Variants in COL26A1 observed in about 807,000 individuals in gnomAD.
The protein encoded by COL26A1 is collagen alpha-1(XXVI) chain.
In COL26A1, 41 loss-of-function variants were observed where a neutral mutation model predicts 59.3. The observed-to-expected ratio is 0.69, with a 90% CI of 0.54 to 0.90. The LOEUF is 0.90. Among genes scored for constraint, COL26A1 ranks in the 40% least tolerant of loss-of-function variants. COL26A1 has a pLI of 0.00. For missense variants in COL26A1, 612 were observed against 602.3 expected (o/e 1.02, Z -0.17); for synonymous variants, 266 against 256.0 (o/e 1.04, Z -0.37).
At position 101,549,237 on chromosome 7, in the gene COL26A1, C is replaced by T. The variant is rs1373760226; in HGVS notation, c.993+14C>T. The T allele has an allele frequency of 1.3e-6, 2 of 1,597,972 alleles. No homozygotes were observed. Among genetic ancestry groups the T allele is most frequent in the Admixed American group, 1.7e-5 (1 of 58,780 alleles). ...CCTGGATCCCAGGTAAGGACTTTGCCATTTTAGGTAGGGTGTGGGAGGCGG... is the reference window on the plus strand; with the variant it reads ...CCTGGATCCCAGGTAAGGACTTTGCTATTTTAGGTAGGGTGTGGGAGGCGG... On this transcript the variant is annotated intron_variant, in intron 9 of 12. Coordinates refer to ENST00000313669, the MANE Select transcript of COL26A1 (RefSeq NM_001278563.3).
At chr7:101,366,474 ATTTTTTTTTTTTTTT>A (rs869149636) in intron 1 of COL26A1, among the ~76,000 whole-genome samples, 50 of 76,268 alleles carry the variant, frequency 6.6e-4, no homozygotes, top group African/African-American at 1.0e-3. Flanking sequence ...TTAACGTCTG[ATTTTTTTTTTTTTTT>A]TTTTTTTTTT....
chr7:101,391,286 A>G (rs1300356705), intron 1 of COL26A1, among the ~76,000 whole-genome samples: 40 of 152,120 alleles, frequency 2.6e-4, no homozygotes, highest in Non-Finnish European at 2.9e-5. Flanking sequence ...TGCTGGAAGC[A>G]TCCGGGCCTG....
At chr7:101,365,743 CG>C (rs1219821101) in intron 1 of COL26A1, among the ~76,000 whole-genome samples, 1 of 151,694 alleles carries the variant, frequency 6.6e-6, no homozygotes, top group Non-Finnish European at 1.5e-5. Flanking sequence ...ACCTACTGGC[CG>C]GTACGGGGAT....
At chr7:101,443,239 G>C (rs899460109) in intron 2 of COL26A1, among the ~76,000 whole-genome samples, 11 of 152,104 alleles carry the variant, frequency 7.2e-5, no homozygotes, top group Admixed American at 2.6e-4. Flanking sequence ...TTGCTCTCCA[G>C]CTCACAGCTG....
chr7:101,391,237 G>A (rs1791721216), intron 1 of COL26A1, among the ~76,000 whole-genome samples: 1 of 152,224 alleles, frequency 6.6e-6, no homozygotes, highest in Non-Finnish European at 1.5e-5. Flanking sequence ...ACATGACTGT[G>A]CGTGGGAGCA....
chr7:101,389,715 A>G (rs7798303), intron 1 of COL26A1, among the ~76,000 whole-genome samples: 33,263 of 151,926 alleles, frequency 0.22, 4,270 homozygotes, highest in African/African-American at 0.36. Context: ...CACCATGCCC[A>G]GCTAATTATG....
rs770196715 is a variant in COL26A1, at chr7:101,553,325, G to C, written c.1030-1G>C. 9 of 1,613,684 alleles carry C rather than the reference G, an allele frequency of 5.6e-6. No homozygotes were observed. Among genetic ancestry groups the C allele is most frequent in the Admixed American group, 1.7e-5 (1 of 59,994 alleles). On this transcript the variant is annotated splice_acceptor_variant, in intron 10 of 12. Coordinates refer to ENST00000313669, the MANE Select transcript of COL26A1 (RefSeq NM_001278563.3). LOFTEE classifies it high-confidence loss of function. ...TGTTGACTGTGTGACTTGCTTCTTA[G>C]GGTGAACCTGGCGTGAAGGGGGAAG...
chr7:101,402,927 C>G (rs942018959), intron 1 of COL26A1, among the ~76,000 whole-genome samples: 1 of 151,788 alleles, frequency 6.6e-6, no homozygotes, highest in African/African-American at 2.4e-5. Context: ...CTCACTGCAG[C>G]CTTGACCTCC....
chr7:101,517,668 C>T (rs928556281), intron 3 of COL26A1, among the ~76,000 whole-genome samples: 1 of 152,124 alleles, frequency 6.6e-6, no homozygotes, highest in African/African-American at 2.4e-5. Flanking sequence ...GGTGAGGACA[C>T]AGCCAAACCA....
chr7:101,507,180 A>G (rs10250542), intron 3 of COL26A1, among the ~76,000 whole-genome samples: 50,111 of 151,940 alleles, frequency 0.33, 12,089 homozygotes, highest in African/African-American at 0.69. Flanking sequence ...CTCCCAAAGT[A>G]CTGGGATTAC....
At chr7:101,370,364 G>A (rs1791161545) in intron 1 of COL26A1, among the ~76,000 whole-genome samples, 1 of 151,638 alleles carries the variant, frequency 6.6e-6, no homozygotes, top group African/African-American at 2.4e-5. Context: ...TTTTGTTGTT[G>A]TTGTTTGTTT....
At chr7:101,515,116 T>G (rs183501553) in intron 3 of COL26A1, among the ~76,000 whole-genome samples, 61 of 152,296 alleles carry the variant, frequency 4.0e-4, no homozygotes, top group African/African-American at 1.4e-3. Flanking sequence ...TCCAGACCAG[T>G]GTCTGGGTGC....
chr7:101,471,568 TTTG>T (rs1315376804), intron 3 of COL26A1, among the ~76,000 whole-genome samples: 1 of 135,590 alleles, frequency 7.4e-6, no homozygotes, highest in African/African-American at 3.1e-5. Context: ...GTTGTTGTTG[TTTG>T]TTTTTTTTTT....
chr7:101,372,370 T>A lies in COL26A1; in HGVS notation c.158+9180T>A, dbSNP rs114853651. 9.0e-3 allele frequency among the ~76,000 whole-genome samples: 1,368 copies of A among 152,186 alleles called. 22 individuals are homozygous for A. Among genetic ancestry groups the A allele is most frequent in the African/African-American group, 0.031 (1,285 of 41,510 alleles). On this transcript the variant is annotated intron_variant, in intron 1 of 12. Coordinates refer to ENST00000313669, the MANE Select transcript of COL26A1 (RefSeq NM_001278563.3). ...TAGTAGAGCTGGGGTTTCTCCACGT[T>A]GGCCAGGTCTTGAACTCCTGACGTC...
At chr7:101,481,132 A>G (rs182812318) in intron 3 of COL26A1, among the ~76,000 whole-genome samples, 76 of 152,268 alleles carry the variant, frequency 5.0e-4, no homozygotes, top group Middle Eastern at 3.4e-3. Context: ...TCAGGCAAAG[A>G]GGAGATGCCA....
intron 3 of COL26A1, among the ~76,000 whole-genome samples, chr7:101,488,352 A>ATT (rs1794312800): frequency 1.1e-5 from 1 of 94,382 alleles, no homozygotes; most frequent in African/African-American, 3.4e-5. Flanking sequence ...TTTATTTAAT[A>ATT]TATATATATA....
In COL26A1 at chr7:101,489,813, T is replaced by TCC. The variant is rs1563008031; in HGVS notation, c.385+42027_385+42028insCC. ...TTCTTTCTTTCTTTCTTTCTTTCTT[T>TCC]CTTTCTTTCTTTCTTTCTTTCTTTC... On this transcript the variant is annotated intron_variant, in intron 3 of 12. Transcript: ENST00000313669. Among the ~76,000 whole-genome samples the TCC allele has an allele frequency of 8.3e-3, 31 of 3,722 alleles. 6 individuals carry two copies. Among genetic ancestry groups the TCC allele is most frequent in the Admixed American group, 0.011 (4 of 370 alleles). 2.4% of individuals were successfully genotyped at this position (3,722 alleles called of 152,430 possible). A position where few individuals can be genotyped will look rare whatever the true frequency, so the allele number is the denominator to read the frequency against.
chr7:101,483,456 A>G (rs969421545), intron 3 of COL26A1, among the ~76,000 whole-genome samples: 1 of 152,000 alleles, frequency 6.6e-6, no homozygotes, highest in Non-Finnish European at 1.5e-5. Flanking sequence ...TCAGCCTCCC[A>G]AAGTGCTGGG....
intron 1 of COL26A1, among the ~76,000 whole-genome samples, chr7:101,371,308 GCAGTGTTGGAC>G (rs1367278363): frequency 6.6e-6 from 1 of 152,082 alleles, no homozygotes; most frequent in Non-Finnish European, 1.5e-5. Flanking sequence ...GCATGCCTCT[GCAGTGTTGGAC>G]CCCTGCCTTT....
Sources: gnomAD v4.1 joint callset for allele counts (sites outside exome capture counted in the v4.1 genomes callset) on GRCh38, gnomAD v4.1.1 for gene constraint, MANE v1.5 for transcripts, NCBI Gene and HGNC (gene_info 2026-07-23, HGNC 2026-07-21) for gene names.